WLS: variants seen among roughly 807,000 people sequenced by gnomAD.
WLS encodes Wnt ligand secretion mediator, also known as protein wntless homolog.
WLS carries 23 observed loss-of-function variants against 62.8 expected under a neutral mutation model. That is an observed-to-expected ratio of 0.37 (90% CI 0.26 to 0.52). WLS has a LOEUF of 0.52. WLS is among the 20% of genes least tolerant of loss of function. The pLI is 0.92. For synonymous variants in WLS, 246 were observed against 244.1 expected, an observed-to-expected ratio of 1.01 and a Z score of -0.07; for missense variants, 615 against 697.3, an observed-to-expected ratio of 0.88 and a Z score of 1.33.
intron 11 of WLS, among the ~76,000 whole-genome samples, chr1:68,101,389 G>T (rs779859955): frequency 7.9e-5 from 12 of 152,104 alleles, no homozygotes; most frequent in Non-Finnish European, 1.8e-4. Context: ...AAAGGAGGCC[G>T]CCCCAGAAAG....
intron 11 of WLS, among the ~76,000 whole-genome samples, chr1:68,131,855 G>T (rs953857911): frequency 1.3e-5 from 2 of 152,166 alleles, no homozygotes; most frequent in Admixed American, 1.3e-4. Flanking sequence ...AAGGAGATTA[G>T]AATATAGATA....
intron 2 of WLS, among the ~76,000 whole-genome samples, chr1:68,183,203 T>C (rs1214437352): frequency 6.6e-6 from 1 of 152,194 alleles, no homozygotes; most frequent in Non-Finnish European, 1.5e-5. Flanking sequence ...AAATGTTAGA[T>C]AGTTTTAACA....
At chr1:68,173,411 C>CCTCTCTCT (rs3053543) in intron 2 of WLS, among the ~76,000 whole-genome samples, 6 of 149,980 alleles carry the variant, frequency 4.0e-5, no homozygotes, top group African/African-American at 1.5e-4. Context: ...CCTGCGTGCC[C>CCTCTCTCT]CTCTCTCTCT....
At chr1:68,174,839 A>G (rs1647209469) in intron 2 of WLS, among the ~76,000 whole-genome samples, 1 of 152,048 alleles carries the variant, frequency 6.6e-6, no homozygotes, top group Non-Finnish European at 1.5e-5. Context: ...TGATGTTCCT[A>G]TCATGTAGGA....
intron 2 of WLS, among the ~76,000 whole-genome samples, chr1:68,192,271 A>T (rs1295930329): frequency 6.6e-6 from 1 of 152,226 alleles, no homozygotes; most frequent in Non-Finnish European, 1.5e-5. Flanking sequence ...TAAACAGAGT[A>T]AAAATAATTG....
Position 68,130,889 on chromosome 1 carries a change from CTTT to C in WLS, c.1517-4557_1517-4555del, listed in dbSNP as rs56038722. Among the ~76,000 whole-genome samples the C allele has an allele frequency of 2.2e-3, 225 of 100,818 alleles. 1 individual carries two copies. Among genetic ancestry groups the C allele is most frequent in the African/African-American group, 7.8e-3 (204 of 26,050 alleles). The allele number at this position is 100,818 out of a possible 152,430, so 66.1% of individuals were successfully genotyped here. On this transcript the variant is annotated intron_variant, in intron 11 of 11. Transcript: ENST00000262348. ...AATGGTGAATGGTAGGTTTCTTCTT[CTTT>C]TTTTTTTTTTTTTTTTTTTTAGATG...
At chr1:68,127,527 T>C (rs556467259) in intron 11 of WLS, among the ~76,000 whole-genome samples, 3 of 152,148 alleles carry the variant, frequency 2.0e-5, no homozygotes, top group East Asian at 3.9e-4. Flanking sequence ...AGTGAATGTA[T>C]AAACAACAAA....
At chr1:68,223,547 A>T (rs1465937953) in intron 1 of WLS, among the ~76,000 whole-genome samples, 1 of 152,214 alleles carries the variant, frequency 6.6e-6, no homozygotes, top group Non-Finnish European at 1.5e-5. Context: ...GGACAAAGAA[A>T]TGTAGGAGAG....
At chr1:68,122,835 G>A (rs575176645), downstream of WLS, among the ~76,000 whole-genome samples, 93 of 152,200 alleles carry the variant, frequency 6.1e-4, 1 homozygote, top group African/African-American at 2.0e-3. Context: ...ACTACACATC[G>A]GTGGAGAAGG....
At chr1:68,215,195 C>T (rs1355261256) in intron 1 of WLS, among the ~76,000 whole-genome samples, 1 of 151,996 alleles carries the variant, frequency 6.6e-6, no homozygotes, top group African/African-American at 2.4e-5. Context: ...ACTAGGCAGC[C>T]AAAAAACACC....
intron 10 of WLS, among the ~76,000 whole-genome samples, chr1:68,141,949 G>A (rs1299141033): frequency 6.6e-6 from 1 of 152,156 alleles, no homozygotes; most frequent in Admixed American, 6.5e-5. Flanking sequence ...TACCCCCTTA[G>A]AGTTGAAATC....
chr1:68,203,102 CAAT>C (rs1466265379), intron 1 of WLS: 2 of 152,094 alleles, frequency 1.3e-5, no homozygotes, highest in Non-Finnish European at 2.9e-5. Context: ...ATTCTTTTAT[CAAT>C]ATTATTGTTA....
At chr1:68,108,758 TTA>T (rs1646181014) in intron 11 of WLS, among the ~76,000 whole-genome samples, 1 of 152,206 alleles carries the variant, frequency 6.6e-6, no homozygotes, top group African/African-American at 2.4e-5. Context: ...TATAAGTTTA[TTA>T]TCTGGGGAAA....
At chr1:68,117,162 A>G (rs1482120231) in intron 11 of WLS, among the ~76,000 whole-genome samples, 2 of 151,958 alleles carry the variant, frequency 1.3e-5, no homozygotes, top group Non-Finnish European at 2.9e-5. Context: ...ACTCCTCTGC[A>G]TCAAGCTAGT....
rs148747626 is a variant in WLS at position 68,232,295 on chromosome 1, G to A, written c.5C>T (p.Ala2Val). M[A>V]GAIIENMSTK... The stretch of plus-strand genomic sequence containing the variant: ...GCTCATGTTTTCTATAATTGCCCCA[G>A]CCATTTTTGCGCCCCCCCTTTTTCT... The change falls in exon 1 of 12, where the codon GCT (alanine) becomes GTT (valine). Residue 2 changes from alanine to valine, a missense_variant. Physicochemically the swap from Ala to Val is moderately conservative, Grantham distance 64. Coordinates refer to ENST00000262348, the MANE Select transcript of WLS (RefSeq NM_024911.7). The A allele has an allele frequency of 6.2e-7, 1 of 1,613,278 alleles. No homozygotes were observed. Among genetic ancestry groups the A allele is most frequent in the Non-Finnish European group, 8.5e-7 (1 of 1,179,658 alleles).
chr1:68,212,121 C>T (rs940900724), intron 1 of WLS, among the ~76,000 whole-genome samples: 2 of 152,314 alleles, frequency 1.3e-5, no homozygotes, highest in Admixed American at 1.3e-4. Context: ...TCTCATCACC[C>T]ACACAATCTG....
intron 2 of WLS, among the ~76,000 whole-genome samples, chr1:68,165,924 T>C (rs1647053534): frequency 6.6e-6 from 1 of 152,236 alleles, no homozygotes; most frequent in Non-Finnish European, 1.5e-5. Context: ...AGACAAATGT[T>C]TGTAGTGGGC....
At chr1:68,137,668 T>C (rs1646630239) in intron 11 of WLS, 112 bp downstream of exon 11, 1 of 1,259,282 alleles carries the variant, frequency 7.9e-7, no homozygotes, top group African/African-American at 1.5e-5. Context: ...GTGAGGAGTA[T>C]ACTTGGAGGG....
In WLS at chr1:68,126,183, G is replaced by T. The variant is rs754799593; in HGVS notation, c.*43C>A. ...CATGCTCCCCACTCTAGTTAGAGGG[G>T]CTGGGGTATGGAGAGACCGTCCCAG... is the stretch of plus-strand genomic sequence containing the variant. On this transcript the variant is annotated 3_prime_UTR_variant, in exon 12 of 12. Transcript: ENST00000262348. 1 of 1,610,880 alleles carries T rather than the reference G, an allele frequency of 6.2e-7. No homozygotes were observed. The highest frequency in any genetic ancestry group is 8.5e-7 in the Non-Finnish European group (1 of 1,178,482).
Sources: gnomAD v4.1 joint callset for allele counts (sites outside exome capture counted in the v4.1 genomes callset) on GRCh38, gnomAD v4.1.1 for gene constraint, MANE v1.5 for transcripts, NCBI Gene and HGNC (gene_info 2026-07-23, HGNC 2026-07-21) for gene names.